DGCR8: variants seen among roughly 807,000 people sequenced by gnomAD.
The protein encoded by DGCR8 is DGCR8 microprocessor complex subunit, also known as microprocessor complex subunit DGCR8.
In DGCR8, 14 loss-of-function variants were observed where a neutral mutation model predicts 78.5. The observed-to-expected ratio is 0.18, with a 90% confidence interval of 0.12 to 0.28. The LOEUF is 0.28. Ranked by LOEUF, DGCR8 falls within the 10% of genes least tolerant of loss-of-function variation. The pLI is 1.00. For synonymous variants in DGCR8, 399 were observed against 402.4 expected, an observed-to-expected ratio of 0.99 and a Z score of 0.10; for missense variants, 702 against 1,022.5, an observed-to-expected ratio of 0.69 and a Z score of 4.28.
At chr22:20,106,399 C>T (rs940287982) in intron 10 of DGCR8, 122 bp downstream of exon 10, 85 of 920,408 alleles carry the variant, frequency 9.2e-5, no homozygotes, top group Admixed American at 3.7e-4. Flanking sequence ...GGGTACACAG[C>T]AGCCCCTTGG....
chr22:20,086,730 G>A lies in DGCR8; in HGVS notation c.720+47G>A. On this transcript the variant is annotated intron_variant, in intron 2 of 13. Transcript: ENST00000351989. The surrounding 1 kb of genome is among the most constrained non-coding windows in gnomAD (Gnocchi z 6.4). ...TAGAGGGCTCTTAGCAAAACCCAAAGAGAGATTTGGGAATTGCAGCATCTT... is the reference window on the plus strand; with the variant it reads ...TAGAGGGCTCTTAGCAAAACCCAAAAAGAGATTTGGGAATTGCAGCATCTT... 7 of 1,488,966 alleles carry A rather than the reference G, an allele frequency of 4.7e-6. No individual in the cohort carries two copies. The highest frequency in any genetic ancestry group is 6.3e-6 in the Non-Finnish European group (7 of 1,119,352). The allele number at this position is 1,488,966 out of a possible 1,614,324, so 92.2% of individuals were successfully genotyped here. A position where few individuals can be genotyped will look rare whatever the true frequency, so the allele number is the denominator to read the frequency against.
chr22:20,107,109 A>T (rs2049780055), intron 11 of DGCR8, 162 bp from the exon 12 acceptor site: 1 of 726,450 alleles, frequency 1.4e-6, no homozygotes, highest in Non-Finnish European at 2.4e-6. Context: ...GGGTACTGTG[A>T]GACTCAGGTG....
chr22:20,103,902 C>T (rs1321726954), intron 9 of DGCR8, among the ~76,000 whole-genome samples: 2 of 152,196 alleles, frequency 1.3e-5, no homozygotes, highest in Admixed American at 6.5e-5. Context: ...GGCATTGGTC[C>T]ATCTCATATA....
chr22:20,093,222 G>A (rs547836198), intron 8 of DGCR8, among the ~76,000 whole-genome samples: 5 of 152,042 alleles, frequency 3.3e-5, no homozygotes, highest in Admixed American at 2.6e-4. Flanking sequence ...TGGCTAACAC[G>A]GTGAAACCCT....
intron 9 of DGCR8, among the ~76,000 whole-genome samples, chr22:20,104,843 C>CAGCGAG (rs2049750814): frequency 6.9e-6 from 1 of 144,854 alleles, no homozygotes; most frequent in Admixed American, 6.9e-5. Flanking sequence ...CTTGCTGGAG[C>CAGCGAG]GGCGAGGGCA....
intron 9 of DGCR8, chr22:20,102,016 T>C: frequency 2.0e-6 from 2 of 985,386 alleles, no homozygotes; most frequent in Non-Finnish European, 2.4e-6. Context: ...CTTGGTATTT[T>C]GTTGCTAGCT....
At position 20,089,847 on chromosome 22, in the gene DGCR8, A is replaced by C. The variant is rs548780539; in HGVS notation, c.1023+36A>C. On this transcript the variant is annotated intron_variant, in intron 4 of 13. Coordinates refer to ENST00000351989, the MANE Select transcript of DGCR8 (RefSeq NM_022720.7). This position sits in a 1 kb window ranked among gnomAD's most constrained non-coding sequence, Gnocchi z 4.9. The stretch of plus-strand genomic sequence containing the variant: ...CATCAGTCGTGACTTTAGGCTTGTA[A>C]GTTCTCAGACCAAAACGTGCACATC... 8.1e-6 allele frequency: 13 copies of C among 1,610,298 alleles called. No homozygotes were observed. The East Asian group carries it at 2.9e-4, about 36-fold the overall frequency.
At chr22:20,108,182 A>T (rs2049792375) in intron 12 of DGCR8, 1 of 152,596 alleles carries the variant, frequency 6.6e-6, no homozygotes, top group South Asian at 2.1e-4. Context: ...GGGGGCTCAC[A>T]CGGGCCACCA....
chr22:20,089,945 G>A lies in DGCR8; in HGVS notation c.1024-31G>A, dbSNP rs1335288853. 3 of 1,592,820 alleles carry A rather than the reference G, an allele frequency of 1.9e-6. No homozygotes were observed. The African/African-American group carries it at 4.0e-5, about 21-fold the overall frequency. On this transcript the variant is annotated intron_variant, in intron 4 of 13. Transcript: ENST00000351989. The surrounding 1 kb of genome is among the most constrained non-coding windows in gnomAD (Gnocchi z 4.9). ...AGTTTCAGACTCTCGGGTTGTCCTT[G>A]TAATCCATATTGCAATTTCACTATC...
chr22:20,106,523 C>A, intron 10 of DGCR8, 69 bp from the exon 11 acceptor site: 1 of 1,159,684 alleles, frequency 8.6e-7, no homozygotes, highest in Non-Finnish European at 1.3e-6. Flanking sequence ...CTTCCCAGAG[C>A]AGGCCTCCTC....
chr22:20,101,542 C>T, intron 9 of DGCR8: 1 of 969,152 alleles, frequency 1.0e-6, no homozygotes, highest in South Asian at 4.8e-5. Context: ...TGCGCCACTG[C>T]ACTCCAGCCT....
intron 9 of DGCR8, 25 bp from the exon 10 acceptor site, chr22:20,106,152 C>CAA: frequency 6.2e-7 from 1 of 1,609,262 alleles, no homozygotes; most frequent in Non-Finnish European, 8.5e-7. Flanking sequence ...GGTGGGGACT[C>CAA]ACAAGCCTCT....
At position 20,089,777 on chromosome 22, in the gene DGCR8, C is replaced by A. The variant is rs2049530255; in HGVS notation, c.989C>A (p.Ser330Tyr). The A allele has an allele frequency of 6.2e-7, 1 of 1,613,768 alleles. No homozygotes were observed. The highest frequency in any genetic ancestry group is 1.3e-5 in the African/African-American group (1 of 74,846). The change falls in exon 4 of 14, where the codon TCC (serine) becomes TAC (tyrosine). Residue 330 changes from serine to tyrosine, a missense_variant. Transcript: ENST00000351989. The surrounding 1 kb of genome is among the most constrained non-coding windows in gnomAD (Gnocchi z 4.9). ...AGAGAGTCTCGGGTGGTCACCTGGT[C>A]CAGGCCATACTTCTTGGGAACGGGA... The part of the protein sequence containing the change: ...LHRESRVVTW[S>Y]RPYFLGTGSI...
chr22:20,085,160 A>C lies in DGCR8; in HGVS notation c.-277-527A>C, dbSNP rs900584472. On this transcript the variant is annotated intron_variant, in intron 1 of 13. Transcript: ENST00000351989. This position sits in a 1 kb window ranked among gnomAD's most constrained non-coding sequence, Gnocchi z 6.2. The stretch of plus-strand genomic sequence containing the variant: ...ACGTGCTACCCTGTGGGCCCAGGAG[A>C]GCCCTGGGGTCCCTGGGTAGCAGAG... The C allele has an allele frequency of 2.5e-5, 13 of 530,574 alleles. No homozygotes were observed. Among genetic ancestry groups the C allele is most frequent in the Non-Finnish European group, 3.1e-5 (13 of 414,328 alleles). The allele number at this position is 530,574 out of a possible 1,614,324, so 32.9% of individuals were successfully genotyped here. A position where few individuals can be genotyped will look rare whatever the true frequency, so the allele number is the denominator to read the frequency against.
At chr22:20,100,979 C>A in intron 9 of DGCR8, 1 of 455,164 alleles carries the variant, frequency 2.2e-6, no homozygotes, top group Non-Finnish European at 2.9e-6. Flanking sequence ...GACTCAGGAA[C>A]TCAGGAAAAA....
intron 1 of DGCR8, among the ~76,000 whole-genome samples, chr22:20,081,940 C>T (rs1336563737): frequency 2.0e-5 from 3 of 152,186 alleles, no homozygotes; most frequent in Non-Finnish European, 2.9e-5. Flanking sequence ...AGTTAACATC[C>T]TGGCCCAGCC....
chr22:20,092,862 G>A lies in DGCR8; in HGVS notation c.1660G>A (p.Gly554Arg), dbSNP rs756265031. Reference sequence around the variant, plus strand: ...GGTGACCATTGATGGTGTGACTTACGGATCTGGAACTGCAAGCAGCAAAAA... The same window carrying A: ...GGTGACCATTGATGGTGTGACTTACAGATCTGGAACTGCAAGCAGCAAAAA... ...ASVTIDGVTY[G>R]SGTASSKKLA... Residue 554 changes from glycine to arginine, a missense_variant, in exon 8 of 14, where the codon GGA (glycine) becomes AGA (arginine). Gly to Arg is a moderately radical substitution (Grantham distance 125, BLOSUM62 -2). Transcript: ENST00000351989. 2 of 1,613,804 alleles carry A rather than the reference G, an allele frequency of 1.2e-6. No individual in the cohort carries two copies. The highest frequency in any genetic ancestry group is 8.5e-7 in the Non-Finnish European group (1 of 1,179,822).
chr22:20,106,108 C>A, intron 9 of DGCR8, 69 bp from the exon 10 acceptor site: 2 of 1,359,528 alleles, frequency 1.5e-6, no homozygotes, highest in Non-Finnish European at 2.1e-6. Flanking sequence ...GGAAAGCCAA[C>A]CGCAGGCCCA....
At chr22:20,099,736 G>A (rs970508129) in intron 9 of DGCR8, among the ~76,000 whole-genome samples, 1 of 152,152 alleles carries the variant, frequency 6.6e-6, no homozygotes, top group Non-Finnish European at 1.5e-5. Context: ...GTCCTTATTC[G>A]GCCATTCCAG....
Sources: gnomAD v4.1 joint callset for allele counts (sites outside exome capture counted in the v4.1 genomes callset) on GRCh38, gnomAD v4.1.1 for gene constraint, Gnocchi (gnomAD v3.1) non-coding constraint, MANE v1.5 for transcripts, NCBI Gene and HGNC (gene_info 2026-07-23, HGNC 2026-07-21) for gene names.